OCEL1: variants seen among roughly 807,000 people sequenced by gnomAD.
The protein encoded by OCEL1 is occludin/ELL domain-containing protein 1.
OCEL1 carries 24 observed loss-of-function variants against 29.4 expected under a neutral mutation model. That is an observed-to-expected ratio of 0.82 (90% CI 0.59 to 1.15). The LOEUF (loss-of-function observed/expected upper bound fraction) is 1.15, where lower values mean the gene tolerates loss of function less well. OCEL1 is among the 50% of genes most tolerant of loss of function. The pLI is 0.00. For missense variants in OCEL1, 402 were observed against 352.5 expected, an observed-to-expected ratio of 1.14 and a Z score of -1.13; for synonymous variants, 172 against 145.3, an observed-to-expected ratio of 1.18 and a Z score of -1.32.
chr19:17,226,803 G>C lies in OCEL1; in HGVS notation c.180G>C (p.Arg60=), dbSNP rs752304647. The C allele has an allele frequency of 1.3e-6, 2 of 1,594,180 alleles. No individual in the cohort carries two copies. Among genetic ancestry groups the C allele is most frequent in the Non-Finnish European group, 1.7e-6 (2 of 1,173,478 alleles). The change falls in exon 2 of 6, where the codon CGG becomes CGC. Residue 60 remains arginine, a synonymous_variant. Coordinates refer to ENST00000215061, the MANE Select transcript of OCEL1 (RefSeq NM_024578.3). ...SCFSRRPMPT[R]EPPKTRGSRG... is the part of the protein sequence containing the mutation. ...TCTCCCGGAGGCCGATGCCCACCCG[G>C]GAGCCCCCAAAGACTCGCGGCTCCC...
rs1238052176 is a variant in OCEL1 at position 17,226,855 on chromosome 19, G to C, written c.232G>C (p.Gly78Arg). The C allele has an allele frequency of 1.2e-5, 18 of 1,536,718 alleles. No homozygotes were observed. The highest frequency in any genetic ancestry group is 1.5e-5 in the Non-Finnish European group (17 of 1,147,962). The change falls in exon 2 of 6, where the codon GGG becomes CGG. Residue 78 changes from glycine (G) to arginine (R), a missense_variant. Transcript: ENST00000215061. Reference protein sequence around the residue: ...SRGHLHTHPPGPGPPLQGLAP... With the variant: ...SRGHLHTHPPRPGPPLQGLAP... ...GGGGCACCTGCATACTCACCCGCCT[G>C]GGCCTGGGCCCCCGGTGAGCCTGAC...
At chr19:17,228,218 A>C (rs1393881202) in intron 4 of OCEL1, 38 bp from the exon 5 acceptor site, 5 of 1,608,836 alleles carry the variant, frequency 3.1e-6, no homozygotes, top group Non-Finnish European at 4.2e-6. Flanking sequence ...CTTGAATTCA[A>C]CTCTCCCTAA....
intron 1 of OCEL1, 65 bp downstream of exon 1, chr19:17,226,381 C>T (rs931367022): frequency 1.0e-4 from 163 of 1,559,426 alleles, no homozygotes; most frequent in Non-Finnish European, 1.4e-4. Context: ...AGGAGCTCCT[C>T]GGGCGCGGTC....
chr19:17,229,082 T>TC lies in OCEL1; in HGVS notation c.*159dup. 1 of 791,016 alleles carries TC rather than the reference T, an allele frequency of 1.3e-6. No homozygotes were observed. The highest frequency in any genetic ancestry group is 1.9e-6 in the Non-Finnish European group (1 of 527,602). The allele number at this position is 791,016 out of a possible 1,614,324, so 49.0% of individuals were successfully genotyped here. On this transcript the variant is annotated 3_prime_UTR_variant, in exon 6 of 6. Coordinates refer to ENST00000215061, the MANE Select transcript of OCEL1 (RefSeq NM_024578.3). ...GTTTGGACTCAGCTCTGACAGCCCCTCCTCCAGGAAGGCCTTCCAGGACTT... is the reference window on the plus strand; with the variant it reads ...GTTTGGACTCAGCTCTGACAGCCCCTCCCTCCAGGAAGGCCTTCCAGGACTT...
At position 17,227,118 on chromosome 19, in the gene OCEL1, C is replaced by T. The variant is rs144461877; in HGVS notation, c.371C>T (p.Ala124Val). Reference sequence around the variant, plus strand: ...TTTGAGGATGAGTTGCTCTCCCAGGCCCTCCTGGGCGCCAAGAAGCCTATT... The same window carrying T: ...TTTGAGGATGAGTTGCTCTCCCAGGTCCTCCTGGGCGCCAAGAAGCCTATT... Reference protein sequence around the residue: ...IVFEDELLSQALLGAKKPIGA... With the variant: ...IVFEDELLSQVLLGAKKPIGA... The change falls in exon 3 of 6, where the codon GCC (alanine) becomes GTC (valine). Residue 124 changes from alanine to valine, a missense_variant. By Grantham distance (64) the Ala-to-Val change is moderately conservative (BLOSUM62 0). Transcript: ENST00000215061. 198 of 1,603,296 alleles carry T rather than the reference C, an allele frequency of 1.2e-4. No homozygotes were observed. In the African/African-American group the frequency reaches 2.4e-3, roughly 19 times the overall value.
Position 17,226,736 on chromosome 19 carries a change from C to G in OCEL1, c.113C>G (p.Pro38Arg). The change falls in exon 2 of 6, where the codon CCC (proline) becomes CGC (arginine). Residue 38 changes from proline (P) to arginine (R), a missense_variant. Transcript: ENST00000215061. ...CCGCCGCGCGCGGGACACGACGCCCCCCGCAGGACCCGCCCATCAGCCCGG... is the reference window on the plus strand; with the variant it reads ...CCGCCGCGCGCGGGACACGACGCCCGCCGCAGGACCCGCCCATCAGCCCGG... Reference protein sequence around the residue: ...PPPPRAGHDAPRRTRPSARKP... With the variant: ...PPPPRAGHDARRRTRPSARKP... The G allele has an allele frequency of 6.5e-7, 1 of 1,546,360 alleles. No homozygotes were observed. Among genetic ancestry groups the G allele is most frequent in the Non-Finnish European group, 8.7e-7 (1 of 1,153,422 alleles).
Position 17,226,889 on chromosome 19 carries a change from G to A in OCEL1, c.246+20G>A, listed in dbSNP as rs1485225697. On this transcript the variant is annotated intron_variant, in intron 2 of 5. Coordinates refer to ENST00000215061, the MANE Select transcript of OCEL1 (RefSeq NM_024578.3). Reference sequence around the variant, plus strand: ...CCCCCGGTGAGCCTGACCGGGAGGGGGTCCCCAGGCCGGGCCTCTAGGCAA... The same window carrying A: ...CCCCCGGTGAGCCTGACCGGGAGGGAGTCCCCAGGCCGGGCCTCTAGGCAA... 8 of 1,511,836 alleles carry A rather than the reference G, an allele frequency of 5.3e-6. No individual in the cohort carries two copies. The highest frequency in any genetic ancestry group is 7.0e-6 in the Non-Finnish European group (8 of 1,135,394). 93.7% of individuals were successfully genotyped at this position (1,511,836 alleles called of 1,614,324 possible). A position where few individuals can be genotyped will look rare whatever the true frequency, so the allele number is the denominator to read the frequency against.
At position 17,226,844 on chromosome 19, in the gene OCEL1, C is replaced by T. The variant is rs749460233; in HGVS notation, c.221C>T (p.Thr74Ile). 9.6e-6 allele frequency: 15 copies of T among 1,559,092 alleles called. 1 individual carries two copies. The Middle Eastern group carries it at 2.1e-3, about 217-fold the overall frequency. ...CGCGGCTCCCGGGGGCACCTGCATACTCACCCGCCTGGGCCTGGGCCCCCG... is the reference window on the plus strand; with the variant it reads ...CGCGGCTCCCGGGGGCACCTGCATATTCACCCGCCTGGGCCTGGGCCCCCG... ...KTRGSRGHLH[T>I]HPPGPGPPLQ... Residue 74 changes from threonine to isoleucine, a missense_variant, in exon 2 of 6, where the codon ACT (threonine) becomes ATT (isoleucine). Thr to Ile is a moderately conservative substitution (Grantham distance 89, BLOSUM62 -1). Transcript: ENST00000215061.
intron 5 of OCEL1, 71 bp downstream of exon 5, chr19:17,228,380 GTTTC>G (rs1039435715): frequency 2.1e-5 from 31 of 1,459,984 alleles, no homozygotes; most frequent in Non-Finnish European, 2.4e-5. Context: ...CCTGTGCCCA[GTTTC>G]TTTTTTTTTT....
intron 1 of OCEL1, 113 bp from the exon 2 acceptor site, chr19:17,226,580 T>C: frequency 1.7e-6 from 2 of 1,202,672 alleles, no homozygotes; most frequent in Non-Finnish European, 2.2e-6. Context: ...GCGGTCGTTC[T>C]GGGGAACTCT....
Position 17,227,852 on chromosome 19 carries a change from A to C in OCEL1, c.465A>C (p.Pro155=), listed in dbSNP as rs750702844. ...TTCAACCTGGTAGTAAGTACCCGCC[A>C]GTGAGCAGTGAGAGGGAACGGAGCC... ...PVPDYELKYP[P]VSSERERSRY... is the part of the protein sequence containing the mutation. The change falls in exon 4 of 6, where the codon CCA becomes CCC. Residue 155 remains proline (P), a synonymous_variant. Coordinates refer to ENST00000215061, the MANE Select transcript of OCEL1 (RefSeq NM_024578.3). The C allele has an allele frequency of 2.4e-5, 38 of 1,613,700 alleles. No individual in the cohort carries two copies. Among genetic ancestry groups the C allele is most frequent in the Non-Finnish European group, 2.3e-5 (27 of 1,180,008 alleles).
rs371824386 is a variant in OCEL1 at position 17,228,246 on chromosome 19, C to T, written c.619-10C>T. 3.7e-6 allele frequency: 6 copies of T among 1,613,950 alleles called. No homozygotes were observed. The highest frequency in any genetic ancestry group is 5.1e-6 in the Non-Finnish European group (6 of 1,179,994). On this transcript the variant is annotated splice_polypyrimidine_tract_variant and intron_variant, in intron 4 of 5. Transcript: ENST00000215061. ...CTCCCTAAACCCCCTTTCTACTCCT[C>T]CCCTTGCAGAAGGAGGCCCAAGTTG...
At chr19:17,228,036 A>C (rs2073378308) in intron 4 of OCEL1, 31 bp downstream of exon 4, 1 of 1,607,364 alleles carries the variant, frequency 6.2e-7, no homozygotes, top group Non-Finnish European at 8.5e-7. Context: ...CCTGCCCCGC[A>C]GCCCTTCTGA....
At position 17,228,327 on chromosome 19, in the gene OCEL1, C is replaced by T. The variant is rs761574313; in HGVS notation, c.672+18C>T. 4 of 1,613,700 alleles carry T rather than the reference C, an allele frequency of 2.5e-6. No homozygotes were observed. In the Admixed American group the frequency reaches 6.7e-5, roughly 27 times the overall value. On this transcript the variant is annotated intron_variant, in intron 5 of 5. Transcript: ENST00000215061. ...AGCGAATGGTGAGTCTTGCATCCCA[C>T]AGCTTGGTCTTGCACCCCTGAGACT...
At position 17,226,798 on chromosome 19, in the gene OCEL1, A is replaced by G. The variant is rs778415455; in HGVS notation, c.175A>G (p.Thr59Ala). The G allele has an allele frequency of 6.3e-7, 1 of 1,593,382 alleles. No homozygotes were observed. The highest frequency in any genetic ancestry group is 1.7e-5 in the Admixed American group (1 of 57,620). The change falls in exon 2 of 6, where the codon ACC becomes GCC. Residue 59 changes from threonine (T) to alanine (A), a missense_variant. By Grantham distance (58) the Thr-to-Ala change is moderately conservative. Transcript: ENST00000215061. ...CTGCTTCTCCCGGAGGCCGATGCCC[A>G]CCCGGGAGCCCCCAAAGACTCGCGG... ...LSCFSRRPMP[T>A]REPPKTRGSR...
chr19:17,226,466 C>T (rs1243888650), intron 1 of OCEL1, 150 bp downstream of exon 1: 7 of 1,011,980 alleles, frequency 6.9e-6, no homozygotes, highest in African/African-American at 1.6e-5. Flanking sequence ...TCCCAGGCTG[C>T]GCGGCGACGT....
In OCEL1 at chr19:17,227,100, A is replaced by G. The variant is rs773515950; in HGVS notation, c.353A>G (p.Asp118Gly). 18 of 1,608,646 alleles carry G rather than the reference A, an allele frequency of 1.1e-5. No individual in the cohort carries two copies. The highest frequency in any genetic ancestry group is 1.4e-5 in the Non-Finnish European group (16 of 1,178,910). Residue 118 changes from aspartate (D) to glycine (G), a missense_variant, in exon 3 of 6, where the codon GAT (aspartate) becomes GGT (glycine). Transcript: ENST00000215061. ...KAKTKKIVFE[D>G]ELLSQALLGA... ...AAGACCAAGAAGATTGTGTTTGAGG[A>G]TGAGTTGCTCTCCCAGGCCCTCCTG...
chr19:17,227,781 G>T lies in OCEL1; in HGVS notation c.453-59G>T, dbSNP rs2073375000. 13 of 1,573,208 alleles carry T rather than the reference G, an allele frequency of 8.3e-6. No homozygotes were observed. The Admixed American group carries it at 2.2e-4, about 27-fold the overall frequency. Reference sequence around the variant, plus strand: ...TGGACAAAGAAAAGCAAATTACACTGACTGGGGGAAAGAGTGGGGTTCTTT... The same window carrying T: ...TGGACAAAGAAAAGCAAATTACACTTACTGGGGGAAAGAGTGGGGTTCTTT... On this transcript the variant is annotated intron_variant, in intron 3 of 5. Coordinates refer to ENST00000215061, the MANE Select transcript of OCEL1 (RefSeq NM_024578.3).
At chr19:17,226,633 C>T (rs1049071625) in intron 1 of OCEL1, 60 bp from the exon 2 acceptor site, 21 of 1,410,080 alleles carry the variant, frequency 1.5e-5, no homozygotes, top group East Asian at 1.3e-4. Flanking sequence ...GCCGAGCTGC[C>T]CGCGCGTCCT....
Sources: allele counts gnomAD v4.1 joint callset, GRCh38; gene constraint gnomAD v4.1.1; transcripts MANE v1.5; gene names NCBI Gene and HGNC (gene_info 2026-07-23, HGNC 2026-07-21).